Variants in GAB4 observed in about 807,000 individuals in gnomAD.
The protein encoded by GAB4 is GRB2 associated binding protein family member 4, also known as GRB2-associated-binding protein 4.
Under a neutral mutation model 51.3 loss-of-function variants are expected in GAB4, and 26 were observed. The observed-to-expected ratio is 0.51, with a 90% confidence interval of 0.37 to 0.70. The LOEUF is 0.70. Ranked by LOEUF, GAB4 falls within the 30% of genes least tolerant of loss-of-function variation. The pLI is 0.00. For missense variants in GAB4, 759 were observed against 734.6 expected (o/e 1.03, Z -0.38); for synonymous variants, 329 against 291.2 (o/e 1.13, Z -1.32).
intron 3 of GAB4, among the ~76,000 whole-genome samples, chr22:16,974,762 C>T (rs112509511): frequency 2.3e-4 from 35 of 152,198 alleles, no homozygotes; most frequent in African/African-American, 8.0e-4. Flanking sequence ...CAGCTCCCAG[C>T]GAGATCAACG....
At chr22:16,965,642 T>C (rs2060666173) in intron 6 of GAB4, among the ~76,000 whole-genome samples, 2 of 152,230 alleles carry the variant, frequency 1.3e-5, no homozygotes, top group Admixed American at 1.3e-4. Context: ...TGGACAGGGC[T>C]GTGTAGCCCA....
chr22:16,993,053 T>C (rs2060925997), intron 1 of GAB4, among the ~76,000 whole-genome samples: 1 of 152,196 alleles, frequency 6.6e-6, no homozygotes, highest in South Asian at 2.1e-4. Flanking sequence ...ATAGTATTAC[T>C]GATCAGATAA....
chr22:16,964,542 C>T (rs191388663), intron 8 of GAB4, among the ~76,000 whole-genome samples: 45 of 152,314 alleles, frequency 3.0e-4, no homozygotes, highest in African/African-American at 1.1e-3. Context: ...TGGGCTGCCT[C>T]TGCTCTTCAA....
At chr22:16,964,912 G>A in intron 7 of GAB4, 50 bp from the exon 8 acceptor site, 2 of 1,407,372 alleles carry the variant, frequency 1.4e-6, no homozygotes, top group Non-Finnish European at 2.0e-6. Context: ...GCTCAGGGCT[G>A]CTGTCAGGGC....
Position 16,966,284 on chromosome 22 carries a change from G to T in GAB4, c.1104C>A (p.Thr368=), listed in dbSNP as rs749774475. Residue 368 remains threonine (T), a synonymous_variant, in exon 6 of 10, where the codon ACC becomes ACA. Coordinates refer to ENST00000400588, the MANE Select transcript of GAB4 (RefSeq NM_001037814.1). The part of the protein sequence containing the change: ...SCVPMNPGSP[T]LPAVKQAGDD... ...CGCCTGCTTGCTTCACAGCCGGCAGGGTAGGGGAGCCTGGGTTCATGGGCA... is the reference window on the plus strand; with the variant it reads ...CGCCTGCTTGCTTCACAGCCGGCAGTGTAGGGGAGCCTGGGTTCATGGGCA... 24 of 1,613,788 alleles carry T rather than the reference G, an allele frequency of 1.5e-5. No individual in the cohort carries two copies. In the South Asian group the frequency reaches 2.4e-4, roughly 16 times the overall value.
At chr22:16,966,462 G>T in intron 5 of GAB4, 98 bp from the exon 6 acceptor site, 1 of 1,254,922 alleles carries the variant, frequency 8.0e-7, no homozygotes, top group African/African-American at 1.5e-5. Flanking sequence ...ATGACGGGGT[G>T]TTTTGAACGA....
At chr22:16,985,737 G>A (rs2060861905) in intron 3 of GAB4, among the ~76,000 whole-genome samples, 1 of 152,224 alleles carries the variant, frequency 6.6e-6, no homozygotes, top group African/African-American at 2.4e-5. Context: ...TTGGCCAAGG[G>A]CCCATGGCAG....
rs757873872 is a variant in GAB4, at chr22:16,966,265, C to T, written c.1123G>A (p.Ala375Thr). The T allele has an allele frequency of 3.1e-6, 5 of 1,613,876 alleles. No individual in the cohort carries two copies. In the South Asian group the frequency reaches 5.5e-5, roughly 18 times the overall value. Reference protein sequence around the residue: ...GSPTLPAVKQAGDDSQGVCIP... With the variant: ...GSPTLPAVKQTGDDSQGVCIP... ...CAGACACCCTGGGAATCATCGCCTG[C>T]TTGCTTCACAGCCGGCAGGGTAGGG... Residue 375 changes from alanine to threonine, a missense_variant, in exon 6 of 10, where the codon GCA (alanine) becomes ACA (threonine). By Grantham distance (58) the Ala-to-Thr change is moderately conservative. Transcript: ENST00000400588.
intron 1 of GAB4, among the ~76,000 whole-genome samples, chr22:17,003,937 A>G (rs1804393527): frequency 6.6e-6 from 1 of 152,168 alleles, no homozygotes; most frequent in South Asian, 2.1e-4. Context: ...TAAAGAATCA[A>G]ATAGACACAA....
intron 1 of GAB4, 28 bp from the exon 2 acceptor site, chr22:16,992,204 C>A (rs954948016): frequency 1.3e-6 from 2 of 1,578,950 alleles, no homozygotes; most frequent in South Asian, 2.3e-5. Flanking sequence ...AGAGGGGAAG[C>A]ATGCATTTGT....
At chr22:16,985,200 AC>A (rs1489095994) in intron 3 of GAB4, among the ~76,000 whole-genome samples, 1 of 152,072 alleles carries the variant, frequency 6.6e-6, no homozygotes, top group East Asian at 1.9e-4. Flanking sequence ...TCATCTCTTC[AC>A]CCATTACATA....
chr22:16,972,000 A>G lies in GAB4; in HGVS notation c.687-1807T>C, dbSNP rs114513638. On this transcript the variant is annotated intron_variant, in intron 3 of 9. Transcript: ENST00000400588. ...AGCATGCTGTGCTTCACCAGCAGAC[A>G]GGAGAGCAGGGGAAGATGCAGGATC... 2.8e-3 allele frequency among the ~76,000 whole-genome samples: 421 copies of G among 152,368 alleles called. 2 individuals are homozygous for G. Among genetic ancestry groups the G allele is most frequent in the African/African-American group, 9.9e-3 (411 of 41,588 alleles).
At chr22:16,991,653 T>G (rs1377635131) in intron 2 of GAB4, among the ~76,000 whole-genome samples, 1 of 151,914 alleles carries the variant, frequency 6.6e-6, no homozygotes, top group Non-Finnish European at 1.5e-5. Context: ...GGCTGAGAGG[T>G]GACAGGGCAA....
At chr22:16,982,065 A>G (rs1343540184) in intron 3 of GAB4, among the ~76,000 whole-genome samples, 1 of 152,214 alleles carries the variant, frequency 6.6e-6, no homozygotes, top group African/African-American at 2.4e-5. Flanking sequence ...ATGCCTCAAA[A>G]CAATAAAGGC....
chr22:16,963,821 T>A lies in GAB4; in HGVS notation c.1485A>T (p.Ala495=). 1.2e-6 allele frequency: 2 copies of A among 1,613,322 alleles called. No individual in the cohort carries two copies. Among genetic ancestry groups the A allele is most frequent in the Non-Finnish European group, 1.7e-6 (2 of 1,179,510 alleles). ...TGCCACCGGAAACAGGAAATGCAGA[T>A]GCCGGGTTCTGCTGTCACAAGGAGG... is the stretch of plus-strand genomic sequence containing the variant. ...SGERYLFPNP[A]SAFPVSGGTS... The change falls in exon 9 of 10, where the codon GCA becomes GCT. Residue 495 remains alanine, a synonymous_variant. Transcript: ENST00000400588.
At chr22:16,978,357 C>T (rs2060797864) in intron 3 of GAB4, among the ~76,000 whole-genome samples, 1 of 152,144 alleles carries the variant, frequency 6.6e-6, no homozygotes, top group South Asian at 2.1e-4. Flanking sequence ...GATATCACCA[C>T]CGACCCCACA....
chr22:16,987,965 A>G lies in GAB4; in HGVS notation c.681T>C (p.His227=), dbSNP rs948805529. 6.3e-7 allele frequency: 1 copy of G among 1,598,788 alleles called. No individual in the cohort carries two copies. The highest frequency in any genetic ancestry group is 1.3e-5 in the African/African-American group (1 of 74,814). The change falls in exon 3 of 10, where the codon CAT becomes CAC. Residue 227 remains histidine (H), a synonymous_variant. Coordinates refer to ENST00000400588, the MANE Select transcript of GAB4 (RefSeq NM_001037814.1). The stretch of plus-strand genomic sequence containing the variant: ...TGGCCATAGTAGCCCCCTACCTTGC[A>G]TGTTCTGCTCTCTGGCTGGCGTGCT... ...SHQHASQRAE[H]ARSASFSQGS...
At chr22:17,005,893 C>T (rs1447759665) in intron 1 of GAB4, among the ~76,000 whole-genome samples, 8 of 152,062 alleles carry the variant, frequency 5.3e-5, no homozygotes, top group Non-Finnish European at 8.8e-5. Flanking sequence ...AAGACTTAAA[C>T]GTAAGACCTA....
chr22:16,963,304 C>T (rs1300267879), intron 9 of GAB4, among the ~76,000 whole-genome samples: 1 of 152,186 alleles, frequency 6.6e-6, no homozygotes, highest in Non-Finnish European at 1.5e-5. Flanking sequence ...AGGCTGGCTA[C>T]ATGTGCTTTC....
Sources: allele counts gnomAD v4.1 joint callset (sites outside exome capture counted in the v4.1 genomes callset), GRCh38; gene constraint gnomAD v4.1.1; transcripts MANE v1.5; gene names NCBI Gene and HGNC (gene_info 2026-07-23, HGNC 2026-07-21).